The following MICAL2 variants were observed in gnomAD, a reference collection of about 807,000 sequenced individuals.
MICAL2 encodes microtubule associated monooxygenase, calponin and LIM domain containing 2.
Under a neutral mutation model 127.3 loss-of-function variants are expected in MICAL2, and 77 were observed. The ratio of observed to expected loss-of-function variants is 0.60; its 90% CI spans 0.50 to 0.73. The LOEUF is 0.73. Ranked by LOEUF, MICAL2 falls within the 30% of genes least tolerant of loss-of-function variation. The probability of loss-of-function intolerance (pLI) is 0.00; values close to 1 mark genes in which losing one functional copy is unlikely to be tolerated. For synonymous variants in MICAL2, 570 were observed against 551.1 expected, an observed-to-expected ratio of 1.03 and a Z score of -0.48; for missense variants, 1,351 against 1,434.4, an observed-to-expected ratio of 0.94 and a Z score of 0.94.
intron 2 of MICAL2, among the ~76,000 whole-genome samples, chr11:12,156,766 C>T (rs1854232690): frequency 6.6e-6 from 1 of 152,230 alleles, no homozygotes. Context: ...TCTCGCACTG[C>T]TGAGCCCCTG....
At chr11:12,130,005 G>A (rs954642186) in intron 1 of MICAL2, among the ~76,000 whole-genome samples, 5 of 152,262 alleles carry the variant, frequency 3.3e-5, no homozygotes, top group East Asian at 1.9e-4. Flanking sequence ...GAGCCACTGC[G>A]CCCAGGCTAT....
At chr11:12,136,356 C>T (rs1053886252) in intron 1 of MICAL2, among the ~76,000 whole-genome samples, 14 of 152,176 alleles carry the variant, frequency 9.2e-5, no homozygotes, top group African/African-American at 2.4e-4. Flanking sequence ...TGAAGCACTT[C>T]GCTGTGCCAT....
intron 22 of MICAL2, among the ~76,000 whole-genome samples, chr11:12,251,681 A>G (rs1165918925): frequency 1.3e-5 from 2 of 150,104 alleles, no homozygotes; most frequent in Non-Finnish European, 3.0e-5. Context: ...GAAAGGTGGG[A>G]CCAGGTGTGG....
Position 12,236,195 on chromosome 11 carries a change from G to C in MICAL2, c.2014G>C (p.Glu672Gln). ...ATTGCAGGTGGATGGTCAAACCGGA[G>C]AGAATGACATGAACAAACGGAGACG... ...RTPRVDGQTG[E>Q]NDMNKRRRKG... The change falls in exon 16 of 28, where the codon GAG becomes CAG. Residue 672 changes from glutamate (E) to glutamine (Q), a missense_variant. Physicochemically the swap from Glu to Gln is conservative, Grantham distance 29. Transcript: ENST00000683283. The C allele has an allele frequency of 6.2e-7, 1 of 1,614,168 alleles. No individual in the cohort carries two copies. Among genetic ancestry groups the C allele is most frequent in the Non-Finnish European group, 8.5e-7 (1 of 1,180,026 alleles).
At chr11:12,302,280 G>A (rs1036509029) in intron 29 of MICAL2, among the ~76,000 whole-genome samples, 1 of 152,132 alleles carries the variant, frequency 6.6e-6, no homozygotes, top group Non-Finnish European at 1.5e-5. Flanking sequence ...ATATACCTGG[G>A]GTGGAATTGC....
intron 1 of MICAL2, among the ~76,000 whole-genome samples, chr11:12,132,614 C>T (rs892458712): frequency 1.3e-5 from 2 of 152,314 alleles, no homozygotes; most frequent in African/African-American, 2.4e-5. Flanking sequence ...GGGCGCTGGG[C>T]GGTGTGGCAT....
In MICAL2 at chr11:12,162,157, T is replaced by TG; in HGVS notation, c.7dup (p.Glu3?). 6.2e-7 allele frequency: 1 copy of TG among 1,614,016 alleles called. No individual in the cohort carries two copies. Among genetic ancestry groups the TG allele is most frequent in the Non-Finnish European group, 8.5e-7 (1 of 1,180,008 alleles). On this transcript the variant is annotated frameshift_variant and start_lost, in exon 3 of 28. Coordinates refer to ENST00000683283, the MANE Select transcript of MICAL2 (RefSeq NM_001282663.2). LOFTEE classifies it high-confidence loss of function. Reference sequence around the variant, plus strand: ...ACTGCCGCACACGACTCCTGAACCATGGGGGAAAACGAGGATGAGAAGCAG... The same window carrying TG: ...ACTGCCGCACACGACTCCTGAACCATGGGGGGAAAACGAGGATGAGAAGCAG...
At chr11:12,304,300 T>A (rs1163767965) in intron 29 of MICAL2, among the ~76,000 whole-genome samples, 2 of 152,152 alleles carry the variant, frequency 1.3e-5, no homozygotes, top group Admixed American at 6.5e-5. Context: ...CTTTCTTCCA[T>A]GTTGTTATCC....
At chr11:12,142,973 C>T (rs1464516029) in intron 2 of MICAL2, among the ~76,000 whole-genome samples, 1 of 152,318 alleles carries the variant, frequency 6.6e-6, no homozygotes, top group South Asian at 2.1e-4. Flanking sequence ...AGGTCCTGGG[C>T]TTGGTTCTTG....
At position 12,226,318 on chromosome 11, in the gene MICAL2, G is replaced by A; in HGVS notation, c.1836G>A (p.Met612Ile). 3.1e-6 allele frequency: 5 copies of A among 1,614,212 alleles called. No individual in the cohort carries two copies. The highest frequency in any genetic ancestry group is 4.2e-6 in the Non-Finnish European group (5 of 1,180,034). ...AGCCTGACAAGCTCAGCATGGTCAT[G>A]TACCTCTCCAAGTTCTACGAGCTCT... ...AQEPDKLSMV[M>I]YLSKFYELFR... Residue 612 changes from methionine to isoleucine, a missense_variant, in exon 14 of 28, where the codon ATG becomes ATA. This residue lies in a region of MICAL2 where 752 missense variants were observed against 719.4 expected (regional missense o/e 1.05). Transcript: ENST00000683283.
chr11:12,236,231 A>G lies in MICAL2; in HGVS notation c.2050A>G (p.Thr684Ala), dbSNP rs202081792. Residue 684 changes from threonine to alanine, a missense_variant, in exon 16 of 28, where the codon ACC (threonine) becomes GCC (alanine). Around this residue, in one of 2 missense-constraint regions of MICAL2, gnomAD observed 752 missense variants for 719.4 expected, o/e 1.05. Coordinates refer to ENST00000683283, the MANE Select transcript of MICAL2 (RefSeq NM_001282663.2). ...DMNKRRRKGF[T>A]NLDEPSNFSS... Reference sequence around the variant, plus strand: ...GAACAAACGGAGACGGAAGGGCTTCACCAACCTGGACGAGGTTTGTGTACA... The same window carrying G: ...GAACAAACGGAGACGGAAGGGCTTCGCCAACCTGGACGAGGTTTGTGTACA... 771 of 1,614,118 alleles carry G rather than the reference A, an allele frequency of 4.8e-4. No homozygotes were observed. Among genetic ancestry groups the G allele is most frequent in the Non-Finnish European group, 6.4e-4 (751 of 1,180,042 alleles).
At position 12,208,249 on chromosome 11, in the gene MICAL2, G is replaced by A. The variant is rs560408847; in HGVS notation, c.589+110G>A. 5.9e-6 allele frequency: 5 copies of A among 851,996 alleles called. No individual in the cohort carries two copies. The South Asian group carries it at 6.4e-5, about 11-fold the overall frequency. 52.8% of individuals were successfully genotyped at this position (851,996 alleles called of 1,614,324 possible). On this transcript the variant is annotated intron_variant, in intron 5 of 27. Coordinates refer to ENST00000683283, the MANE Select transcript of MICAL2 (RefSeq NM_001282663.2). ...TAGGAGTTATTCTTACTGGGAGCTG[G>A]TTGGCATAATGCCACTGAAGGGTAT...
At chr11:12,209,062 C>G (rs956848288) in intron 5 of MICAL2, among the ~76,000 whole-genome samples, 2 of 151,968 alleles carry the variant, frequency 1.3e-5, no homozygotes, top group African/African-American at 4.8e-5. Flanking sequence ...TACAACAGAA[C>G]ATTTTGAGCA....
intron 5 of MICAL2, chr11:12,208,463 C>T (rs1013020581): frequency 8.0e-6 from 2 of 251,548 alleles, no homozygotes; most frequent in East Asian, 1.0e-4. Flanking sequence ...GGTTCATTCA[C>T]GTGTTCTTCA....
Position 12,262,695 on chromosome 11 carries a change from G to C in MICAL2, c.*17+158G>C, listed in dbSNP as rs962873452. 7 of 671,118 alleles carry C rather than the reference G, an allele frequency of 1.0e-5. No homozygotes were observed. In the African/African-American group the frequency reaches 1.2e-4, roughly 12 times the overall value. 41.6% of individuals were successfully genotyped at this position (671,118 alleles called of 1,614,324 possible). A position where few individuals can be genotyped will look rare whatever the true frequency, so the allele number is the denominator to read the frequency against. ...GGCATGGTTGGCTAACAGCATGGCG[G>C]GGGGTGTTCAGCTTGAGACCCATGC... On this transcript the variant is annotated intron_variant, in intron 27 of 27. Transcript: ENST00000683283.
intron 1 of MICAL2, among the ~76,000 whole-genome samples, chr11:12,132,045 T>G (rs944328221): frequency 6.6e-6 from 1 of 152,138 alleles, no homozygotes; most frequent in Non-Finnish European, 1.5e-5. Flanking sequence ...TGAAATGACT[T>G]GCTTGAGGTC....
intron 3 of MICAL2, among the ~76,000 whole-genome samples, chr11:12,194,938 A>G (rs143670697): frequency 6.6e-6 from 1 of 152,350 alleles, no homozygotes; most frequent in East Asian, 1.9e-4. Context: ...AGGAAAAAAG[A>G]GTATGTGGAT....
intron 3 of MICAL2, among the ~76,000 whole-genome samples, chr11:12,182,734 T>G (rs1186495703): frequency 1.3e-5 from 2 of 152,222 alleles, no homozygotes; most frequent in Non-Finnish European, 2.9e-5. Context: ...CTTCCCTTCC[T>G]GGAGCAGCAG....
downstream of MICAL2, chr11:12,292,383 C>T: frequency 6.8e-7 from 1 of 1,462,714 alleles, no homozygotes; most frequent in Non-Finnish European, 9.5e-7. Flanking sequence ...CTCTGGATTC[C>T]ACGTGCTCAT....
Sources: gnomAD v4.1 joint callset for allele counts (sites outside exome capture counted in the v4.1 genomes callset) on GRCh38, gnomAD v4.1.1 for gene constraint, gnomAD v4.1.1 regional missense constraint, MANE v1.5 for transcripts, NCBI Gene and HGNC (gene_info 2026-07-23, HGNC 2026-07-21) for gene names.